CEP152: variants seen among roughly 807,000 people sequenced by gnomAD.
CEP152 encodes centrosomal protein of 152 kDa.
A neutral mutation model predicts 188.9 loss-of-function variants in CEP152; 132 were observed. That is an observed-to-expected ratio of 0.70 (90% CI 0.61 to 0.81). CEP152 has a LOEUF of 0.81. CEP152 is among the 30% of genes least tolerant of loss of function. CEP152 has a pLI of 0.00. For synonymous variants in CEP152, 649 were observed against 666.6 expected, an observed-to-expected ratio of 0.97 and a Z score of 0.41; for missense variants, 1,914 against 1,969.8, an observed-to-expected ratio of 0.97 and a Z score of 0.54.
At position 48,755,954 on chromosome 15, in the gene CEP152, A is replaced by G. The variant is rs1187113311; in HGVS notation, c.3294T>C (p.Phe1098=). The change falls in exon 20 of 27, where the codon TTT becomes TTC. Residue 1098 remains phenylalanine, a synonymous_variant. Transcript: ENST00000380950. ...EKLKGCIQKA[F]QDTLPLLVEN... is the part of the protein sequence containing the mutation. ...CTACAAGCAGAGGAAGTGTATCTTG[A>G]AATGCTTTCTGTATGCAGCCCTTTA... 1 of 1,613,940 alleles carries G rather than the reference A, an allele frequency of 6.2e-7. No homozygotes were observed. The highest frequency in any genetic ancestry group is 8.5e-7 in the Non-Finnish European group (1 of 1,179,966).
intron 17 of CEP152, chr15:48,765,594 T>G: frequency 2.4e-6 from 1 of 423,600 alleles, no homozygotes; most frequent in South Asian, 1.8e-5. Flanking sequence ...AAAATATTCC[T>G]GGAATGACCT....
intron 2 of CEP152, among the ~76,000 whole-genome samples, chr15:48,799,013 A>C (rs935398400): frequency 2.6e-5 from 4 of 152,204 alleles, no homozygotes; most frequent in African/African-American, 9.6e-5. Flanking sequence ...CTTTTTAGGG[A>C]AACTGTTTCT....
At chr15:48,807,683 A>T (rs1243479345) in intron 1 of CEP152, among the ~76,000 whole-genome samples, 4 of 152,234 alleles carry the variant, frequency 2.6e-5, no homozygotes, top group African/African-American at 9.6e-5. Flanking sequence ...TTTCATTCAA[A>T]TATAAATACA....
At chr15:48,797,065 A>G (rs1284089525) in intron 5 of CEP152, among the ~76,000 whole-genome samples, 1 of 152,236 alleles carries the variant, frequency 6.6e-6, no homozygotes, top group Non-Finnish European at 1.5e-5. Context: ...TGTTTAATCA[A>G]CTATGTCCAA....
chr15:48,789,043 A>C (rs1482854609), intron 8 of CEP152, 42 bp from the exon 9 acceptor site: 7 of 1,517,950 alleles, frequency 4.6e-6, no homozygotes, highest in African/African-American at 1.4e-5. Context: ...AAATATACAC[A>C]GAGTATTTTA....
chr15:48,781,218 A>G lies in CEP152; in HGVS notation c.1555T>C (p.Trp519Arg), dbSNP rs1294032953. The change falls in exon 12 of 27, where the codon TGG (tryptophan) becomes CGG (arginine). Residue 519 changes from tryptophan to arginine, a missense_variant. Transcript: ENST00000380950. The stretch of plus-strand genomic sequence containing the variant: ...TACCTGGTAACTTTGGATTTTTTCC[A>G]GTTGACCTTTTTAATACCCAAATCC... ...YVDLGIKKVN[W>R]KKSKVTSIVQ... 6.2e-7 allele frequency: 1 copy of G among 1,613,502 alleles called. No individual in the cohort carries two copies. Among genetic ancestry groups the G allele is most frequent in the East Asian group, 2.2e-5 (1 of 44,738 alleles).
At position 48,761,649 on chromosome 15, in the gene CEP152, C is replaced by T. The variant is rs114499715; in HGVS notation, c.2562+742G>A. 5.5e-3 allele frequency among the ~76,000 whole-genome samples: 830 copies of T among 152,192 alleles called. 11 individuals are homozygous for T. The highest frequency in any genetic ancestry group is 0.019 in the African/African-American group (800 of 41,536). ...GGGTATTTTTGTTTTTTAAAAATTT[C>T]TCAGATTTTCCAATAGTGTAAATAT... On this transcript the variant is annotated intron_variant, in intron 18 of 26. Coordinates refer to ENST00000380950, the MANE Select transcript of CEP152 (RefSeq NM_001194998.2).
In CEP152 at chr15:48,738,691, T is replaced by C. The variant is rs374116946; in HGVS notation, c.4691A>G (p.Asp1564Gly). The change falls in exon 27 of 27, where the codon GAT becomes GGT. Residue 1564 changes from aspartate to glycine, a missense_variant. Physicochemically the swap from Asp to Gly is moderately conservative, Grantham distance 94. Coordinates refer to ENST00000380950, the MANE Select transcript of CEP152 (RefSeq NM_001194998.2). ...GLDVQEPPVKDGGDLSDCLGW... is the reference protein window; with the variant it reads ...GLDVQEPPVKGGGDLSDCLGW... ...CAAGCAGTCACTAAGGTCCCCTCCA[T>C]CTTTTACTGGAGGTTCCTGAACATC... 4 of 1,614,096 alleles carry C rather than the reference T, an allele frequency of 2.5e-6. No homozygotes were observed. The highest frequency in any genetic ancestry group is 4.5e-5 in the East Asian group (2 of 44,902).
chr15:48,796,208 A>G (rs1897281148), intron 5 of CEP152, 48 bp from the exon 6 acceptor site: 3 of 1,606,684 alleles, frequency 1.9e-6, no homozygotes, highest in Non-Finnish European at 2.6e-6. Flanking sequence ...CTTTTCTTCC[A>G]AAATTATCTG....
At chr15:48,767,293 A>G (rs898725838) in intron 16 of CEP152, 42 bp downstream of exon 16, 16 of 1,613,992 alleles carry the variant, frequency 9.9e-6, no homozygotes, top group Admixed American at 5.0e-5. Context: ...AGGGGAATGT[A>G]GTCTCTACAG....
At chr15:48,760,850 T>C (rs965951980) in intron 18 of CEP152, among the ~76,000 whole-genome samples, 3 of 152,120 alleles carry the variant, frequency 2.0e-5, no homozygotes, top group African/African-American at 7.2e-5. Flanking sequence ...TTATGTTAAA[T>C]AATTTTACCT....
intron 21 of CEP152, among the ~76,000 whole-genome samples, chr15:48,751,659 G>T (rs573433001): frequency 6.6e-6 from 1 of 152,172 alleles, no homozygotes; most frequent in East Asian, 1.9e-4. Context: ...TTGCGTTTGT[G>T]TGGGGAGGAA....
At chr15:48,809,773 C>T (rs1290388461) in intron 1 of CEP152, among the ~76,000 whole-genome samples, 1 of 152,152 alleles carries the variant, frequency 6.6e-6, no homozygotes, top group Non-Finnish European at 1.5e-5. Context: ...AGTTTTATTA[C>T]TATTATGACA....
chr15:48,803,826 T>C (rs1897818716), intron 2 of CEP152, among the ~76,000 whole-genome samples: 1 of 152,176 alleles, frequency 6.6e-6, no homozygotes, highest in Non-Finnish European at 1.5e-5. Context: ...GTCAAAATAT[T>C]TTTTCTTCTT....
In CEP152 at chr15:48,783,973, C is replaced by A; in HGVS notation, c.1321G>T (p.Gly441Trp). 6.2e-7 allele frequency: 1 copy of A among 1,613,622 alleles called. No homozygotes were observed. The change falls in exon 10 of 27, where the codon GGG becomes TGG. Residue 441 changes from glycine to tryptophan, a missense_variant and splice_region_variant. By Grantham distance (184) the Gly-to-Trp change is radical. Coordinates refer to ENST00000380950, the MANE Select transcript of CEP152 (RefSeq NM_001194998.2). The stretch of plus-strand genomic sequence containing the variant: ...GACAGTGGACCTACCAGACACCTAC[C>A]GGACTGCAACAAGTGGGCACACTGC... ...QKQCAHLLQS[G>W]SVQEVAQLQF... is the part of the protein sequence containing the mutation.
downstream of CEP152, among the ~76,000 whole-genome samples, chr15:48,733,770 A>G (rs74544920): frequency 0.03 from 4,558 of 152,260 alleles, 215 homozygotes; most frequent in African/African-American, 0.11. Context: ...TATAAGAAAA[A>G]CAATTCATCA....
chr15:48,762,582 A>T lies in CEP152; in HGVS notation c.2371T>A (p.Cys791Ser). 4.3e-6 allele frequency: 7 copies of T among 1,614,056 alleles called. No homozygotes were observed. Among genetic ancestry groups the T allele is most frequent in the Non-Finnish European group, 5.9e-6 (7 of 1,179,994 alleles). Reference protein sequence around the residue: ...IKAMKKKTLDCGSQTDQVTTS... With the variant: ...IKAMKKKTLDSGSQTDQVTTS... ...GTTACTTGGTCAGTTTGGCTGCCACAATCTAAGGTCTTCTTTTTCATTGCC... is the reference window on the plus strand; with the variant it reads ...GTTACTTGGTCAGTTTGGCTGCCACTATCTAAGGTCTTCTTTTTCATTGCC... The change falls in exon 18 of 27, where the codon TGT becomes AGT. Residue 791 changes from cysteine to serine, a missense_variant. By Grantham distance (112) the Cys-to-Ser change is moderately radical (BLOSUM62 -1). Coordinates refer to ENST00000380950, the MANE Select transcript of CEP152 (RefSeq NM_001194998.2).
intron 22 of CEP152, among the ~76,000 whole-genome samples, chr15:48,748,205 C>A (rs1397957716): frequency 6.6e-6 from 1 of 152,038 alleles, no homozygotes; most frequent in Admixed American, 6.6e-5. Context: ...GTATACTGGG[C>A]CCTCAATATC....
chr15:48,777,628 AGTCT>A (rs1473868084), intron 12 of CEP152, among the ~76,000 whole-genome samples: 4 of 152,014 alleles, frequency 2.6e-5, no homozygotes, highest in Non-Finnish European at 4.4e-5. Flanking sequence ...TTTTGTAAGT[AGTCT>A]GTCTATATAC....
Sources: gnomAD v4.1 joint callset for allele counts (sites outside exome capture counted in the v4.1 genomes callset) on GRCh38, gnomAD v4.1.1 for gene constraint, MANE v1.5 for transcripts, NCBI Gene and HGNC (gene_info 2026-07-23, HGNC 2026-07-21) for gene names.